ZNF429: variants seen among roughly 807,000 people sequenced by gnomAD.
ZNF429 encodes the protein zinc finger protein 429.
Under a neutral mutation model 56.8 loss-of-function variants are expected in ZNF429, and 53 were observed. That is an observed-to-expected ratio of 0.93 (90% CI 0.75 to 1.17). ZNF429 has a LOEUF of 1.17. Ranked by LOEUF, ZNF429 falls within the 50% of genes most tolerant of loss-of-function variation. The pLI, the probability that ZNF429 is intolerant of heterozygous loss-of-function variation, is 0.00. For synonymous variants in ZNF429, 278 were observed against 264.7 expected (o/e 1.05, Z -0.49); for missense variants, 849 against 788.4 (o/e 1.08, Z -0.92).
At chr19:21,525,373 T>G (rs73019743) in intron 1 of ZNF429, among the ~76,000 whole-genome samples, 3,361 of 152,200 alleles carry the variant, frequency 0.022, 45 homozygotes, top group South Asian at 0.049. Context: ...AAGTTTTTCT[T>G]AGGTAAGTCT....
chr19:21,529,443 T>C (rs1035068764), intron 1 of ZNF429: 1 of 895,378 alleles, frequency 1.1e-6, no homozygotes, highest in Non-Finnish European at 1.3e-6. Context: ...GTGGATCTTA[T>C]GCCACTATTT....
chr19:21,505,661 G>A lies in ZNF429; in HGVS notation c.-111G>A, dbSNP rs1325763763. 11 of 1,213,370 alleles carry A rather than the reference G, an allele frequency of 9.1e-6. No individual in the cohort carries two copies. The East Asian group carries it at 2.1e-4, about 23-fold the overall frequency. 75.2% of individuals were successfully genotyped at this position (1,213,370 alleles called of 1,614,324 possible). ...TGCTGCAGCCAGAGCTCCAGGTCTC[G>A]TCTTCATTTCTGTGTCCTTTGTTCT... On this transcript the variant is annotated 5_prime_UTR_variant, in exon 1 of 4. Coordinates refer to ENST00000358491, the MANE Select transcript of ZNF429 (RefSeq NM_001001415.4).
chr19:21,529,647 G>A lies in ZNF429; in HGVS notation c.4-11G>A, dbSNP rs2033298967. 6.5e-7 allele frequency: 1 copy of A among 1,546,312 alleles called. No individual in the cohort carries two copies. Among genetic ancestry groups the A allele is most frequent in the East Asian group, 2.4e-5 (1 of 42,390 alleles). On this transcript the variant is annotated splice_polypyrimidine_tract_variant and intron_variant, in intron 1 of 3. Coordinates refer to ENST00000358491, the MANE Select transcript of ZNF429 (RefSeq NM_001001415.4). ...TTTCTCTCTCCTTCTGTTGGTGTGTGTGTGTTTCAGGGACCATTGACATTT... is the reference window on the plus strand; with the variant it reads ...TTTCTCTCTCCTTCTGTTGGTGTGTATGTGTTTCAGGGACCATTGACATTT...
chr19:21,509,645 G>A (rs1394618730), intron 1 of ZNF429, among the ~76,000 whole-genome samples: 1 of 152,342 alleles, frequency 6.6e-6, no homozygotes, highest in Admixed American at 6.5e-5. Context: ...CCTGAGAGAA[G>A]CTACAGAGCC....
intron 1 of ZNF429, among the ~76,000 whole-genome samples, chr19:21,523,936 C>T (rs906851274): frequency 6.6e-6 from 1 of 152,128 alleles, no homozygotes; most frequent in African/African-American, 2.4e-5. Flanking sequence ...CACATAAGGC[C>T]AGGCCTCTTC....
Position 21,538,199 on chromosome 19 carries a change from A to G in ZNF429, c.*121A>G, listed in dbSNP as rs1250331826. 7.1e-6 allele frequency: 3 copies of G among 423,030 alleles called. No homozygotes were observed. Among genetic ancestry groups the G allele is most frequent in the African/African-American group, 6.4e-5 (3 of 46,964 alleles). The allele number at this position is 423,030 out of a possible 1,614,324, so 26.2% of individuals were successfully genotyped here. A position where few individuals can be genotyped will look rare whatever the true frequency, so the allele number is the denominator to read the frequency against. On this transcript the variant is annotated 3_prime_UTR_variant, in exon 4 of 4. Transcript: ENST00000358491. ...GAGGCTGAGGCAGGAGAATGGCCTGAACCCGGAGGTGGAGCTTGCATTGAG... is the reference window on the plus strand; with the variant it reads ...GAGGCTGAGGCAGGAGAATGGCCTGGACCCGGAGGTGGAGCTTGCATTGAG...
chr19:21,510,345 C>G (rs1045149742), intron 1 of ZNF429, among the ~76,000 whole-genome samples: 1 of 152,080 alleles, frequency 6.6e-6, no homozygotes, highest in African/African-American at 2.4e-5. Flanking sequence ...CCAGGAACCT[C>G]TGGGAAGGAG....
intron 1 of ZNF429, among the ~76,000 whole-genome samples, chr19:21,506,504 G>A (rs1006862892): frequency 1.3e-5 from 2 of 151,492 alleles, no homozygotes; most frequent in African/African-American, 4.8e-5. Context: ...TTAAAGAGTG[G>A]TTCTAAAATT....
intron 1 of ZNF429, 131 bp downstream of exon 1, chr19:21,505,905 C>A: frequency 2.9e-6 from 3 of 1,042,506 alleles, no homozygotes; most frequent in Non-Finnish European, 4.3e-6. Flanking sequence ...CCTTGCCCAG[C>A]TCGGCTTCAG....
rs1246396867 is a variant in ZNF429 at position 21,530,663 on chromosome 19, G to C, written c.205G>C (p.Glu69Gln). The C allele has an allele frequency of 1.2e-6, 2 of 1,609,974 alleles. No individual in the cohort carries two copies. The highest frequency in any genetic ancestry group is 3.3e-5 in the Admixed American group (2 of 59,824). Residue 69 changes from glutamate to glutamine, a missense_variant, in exon 3 of 4, where the codon GAA (glutamate) becomes CAA (glutamine). Glu to Gln is a conservative substitution (Grantham distance 29). Transcript: ENST00000358491. ...AGAACCCTGCAAGATGAAGCGACAT[G>C]AAATGGTGGATGAACCCCCAGGTAG... ...EKEPCKMKRH[E>Q]MVDEPPVVCS... is the part of the protein sequence containing the mutation.
Position 21,537,674 on chromosome 19 carries a change from G to T in ZNF429, c.1621G>T (p.Glu541Ter). 6.2e-7 allele frequency: 1 copy of T among 1,613,336 alleles called. No homozygotes were observed. Among genetic ancestry groups the T allele is most frequent in the East Asian group, 2.2e-5 (1 of 44,804 alleles). The change falls in exon 4 of 4, where the codon GAA becomes TAA. Residue 541 changes from glutamate (E) to a stop codon, truncating the protein, a stop_gained. Coordinates refer to ENST00000358491, the MANE Select transcript of ZNF429 (RefSeq NM_001001415.4). LOFTEE classifies it high-confidence loss of function. ...HTGEKPYKCE[E>*]CGKAFNRSSR... ...TGGAGAGAAACCTTACAAATGTGAAGAATGTGGCAAAGCTTTTAACCGGTC... is the reference window on the plus strand; with the variant it reads ...TGGAGAGAAACCTTACAAATGTGAATAATGTGGCAAAGCTTTTAACCGGTC...
chr19:21,506,588 C>G (rs2032169957), intron 1 of ZNF429, among the ~76,000 whole-genome samples: 1 of 151,808 alleles, frequency 6.6e-6, no homozygotes, highest in Non-Finnish European at 1.5e-5. Context: ...GCGCATGGTA[C>G]AAAAACGCAA....
intron 3 of ZNF429, among the ~76,000 whole-genome samples, chr19:21,536,034 A>G: frequency 3.3e-5 from 5 of 152,212 alleles, no homozygotes; most frequent in South Asian, 2.1e-4. Flanking sequence ...TTTTCATTCT[A>G]TGTGACTCTT....
At chr19:21,509,830 C>A (rs932191672) in intron 1 of ZNF429, among the ~76,000 whole-genome samples, 1 of 151,884 alleles carries the variant, frequency 6.6e-6, no homozygotes, top group African/African-American at 2.4e-5. Context: ...AGGAGTATTG[C>A]AACAGGAGGA....
intron 1 of ZNF429, among the ~76,000 whole-genome samples, chr19:21,509,931 G>T (rs2032369920): frequency 6.7e-6 from 1 of 150,056 alleles, no homozygotes; most frequent in African/African-American, 2.5e-5. Context: ...TTTTTGAGAT[G>T]GAATCTTGCT....
chr19:21,534,840 C>T lies in ZNF429; in HGVS notation c.227-1440C>T. Among the ~76,000 whole-genome samples, 45 of 145,944 alleles carry T rather than the reference C, an allele frequency of 3.1e-4. No homozygotes were observed. In the East Asian group the frequency reaches 7.1e-3, roughly 23 times the overall value. On this transcript the variant is annotated intron_variant, in intron 3 of 3. Coordinates refer to ENST00000358491, the MANE Select transcript of ZNF429 (RefSeq NM_001001415.4). The stretch of plus-strand genomic sequence containing the variant: ...TTTGTTTTTTTTTGAGACGGAGTAT[C>T]GCTCTGTCGCCCAGGCTGGAGTGCA...
chr19:21,537,724 A>T lies in ZNF429; in HGVS notation c.1671A>T (p.Lys557Asn). 1 of 1,614,052 alleles carries T rather than the reference A, an allele frequency of 6.2e-7. No homozygotes were observed. Among genetic ancestry groups the T allele is most frequent in the South Asian group, 1.1e-5 (1 of 91,086 alleles). Residue 557 changes from lysine to asparagine, a missense_variant, in exon 4 of 4, where the codon AAA becomes AAT. By Grantham distance (94) the Lys-to-Asn change is moderately conservative. Coordinates refer to ENST00000358491, the MANE Select transcript of ZNF429 (RefSeq NM_001001415.4). ...NRSSRLTQHK[K>N]IHTGEKPYKC... ...CCTCAAGACTTACTCAACATAAGAA[A>T]ATTCATACTGGAGAGAAACCCTACA...
rs373900656 is a variant in ZNF429 at position 21,536,831 on chromosome 19, A to C, written c.778A>C (p.Lys260Gln). 23 of 1,612,260 alleles carry C rather than the reference A, an allele frequency of 1.4e-5. No individual in the cohort carries two copies. The African/African-American group carries it at 3.1e-4, about 22-fold the overall frequency. Residue 260 changes from lysine (K) to glutamine (Q), a missense_variant, in exon 4 of 4, where the codon AAA (lysine) becomes CAA (glutamine). By Grantham distance (53) the Lys-to-Gln change is moderately conservative. Transcript: ENST00000358491. ...IHTGEKPYKC[K>Q]ECGKAFSRYS... ...TACTGGAGAGAAACCCTACAAATGT[A>C]AAGAATGTGGCAAAGCCTTTAGCAG...
intron 1 of ZNF429, among the ~76,000 whole-genome samples, chr19:21,514,648 A>T (rs932024106): frequency 2.6e-5 from 4 of 151,972 alleles, no homozygotes; most frequent in African/African-American, 9.7e-5. Flanking sequence ...CCCAGGCTGG[A>T]GTGCAGTTTT....
Sources: gnomAD v4.1 joint callset for allele counts (sites outside exome capture counted in the v4.1 genomes callset) on GRCh38, gnomAD v4.1.1 for gene constraint, MANE v1.5 for transcripts, NCBI Gene and HGNC (gene_info 2026-07-23, HGNC 2026-07-21) for gene names.